SEC24D: variants seen among roughly 807,000 people sequenced by gnomAD.
The protein encoded by SEC24D is protein transport protein Sec24D.
Under a neutral mutation model 116.9 loss-of-function variants are expected in SEC24D, and 69 were observed. The ratio of observed to expected loss-of-function variants is 0.59; its 90% confidence interval spans 0.49 to 0.72. The LOEUF is 0.72. Among genes scored for constraint, SEC24D ranks in the 30% least tolerant of loss-of-function variants. The pLI, the probability that SEC24D is intolerant of heterozygous loss-of-function variation, is 0.00. For missense variants in SEC24D, 1,131 were observed against 1,264.1 expected, an observed-to-expected ratio of 0.89 and a Z score of 1.60; for synonymous variants, 405 against 442.8, an observed-to-expected ratio of 0.91 and a Z score of 1.07.
Position 118,756,761 on chromosome 4 carries a change from C to T in SEC24D, c.1421+960G>A, listed in dbSNP as rs189435714. On this transcript the variant is annotated intron_variant, in intron 11 of 22. Transcript: ENST00000280551. ...TGGCATTCTCCCTGCTCATGAATCT[C>T]CTTACTAGATGTTATTCCTCATCCT... Among the ~76,000 whole-genome samples the T allele has an allele frequency of 4.4e-3, 667 of 152,222 alleles. 3 individuals carry two copies. The highest frequency in any genetic ancestry group is 0.014 in the Middle Eastern group (4 of 294).
At chr4:118,824,483 T>A (rs1347129985) in intron 3 of SEC24D, 137 bp downstream of exon 3, 11 of 889,526 alleles carry the variant, frequency 1.2e-5, no homozygotes, top group Non-Finnish European at 1.9e-5. Flanking sequence ...AGGGCAGTTA[T>A]CTAACAGATC....
intron 10 of SEC24D, among the ~76,000 whole-genome samples, chr4:118,762,811 G>A (rs1396394637): frequency 6.6e-6 from 1 of 152,088 alleles, no homozygotes; most frequent in East Asian, 1.9e-4. Context: ...TGCCTGGCTG[G>A]GTGAGATTTC....
chr4:118,824,963 A>T (rs1730539875), intron 2 of SEC24D, among the ~76,000 whole-genome samples: 2 of 152,248 alleles, frequency 1.3e-5, no homozygotes, highest in African/African-American at 4.8e-5. Context: ...AGCAGAAAAG[A>T]AGGGAATCAT....
chr4:118,738,847 G>C lies in SEC24D; in HGVS notation c.2377+302C>G, dbSNP rs116021794. On this transcript the variant is annotated intron_variant, in intron 18 of 22. Coordinates refer to ENST00000280551, the MANE Select transcript of SEC24D (RefSeq NM_014822.4). ...TCGTCTCTGTCCATTAACCCAATGT[G>C]TCAGAGGGCATGATCATGTACCATA... Among the ~76,000 whole-genome samples the C allele has an allele frequency of 7.0e-3, 1,062 of 152,240 alleles. 13 individuals are homozygous for C. Among genetic ancestry groups the C allele is most frequent in the African/African-American group, 0.023 (975 of 41,532 alleles).
chr4:118,786,025 A>G (rs1279406516), intron 8 of SEC24D, among the ~76,000 whole-genome samples: 2 of 152,212 alleles, frequency 1.3e-5, no homozygotes, highest in Admixed American at 1.3e-4. Flanking sequence ...AAACAACTAC[A>G]GGTTAAGGGA....
intron 1 of SEC24D, among the ~76,000 whole-genome samples, chr4:118,835,387 G>C (rs1022589789): frequency 1.3e-5 from 2 of 152,106 alleles, no homozygotes; most frequent in East Asian, 1.9e-4. Context: ...AAAGCCACTT[G>C]GTATAAGCAG....
rs536613598 is a variant in SEC24D, at chr4:118,732,225, C to T, written c.2676+508G>A. ...TCTCGGCTCACTGCAACCTCCACCT[C>T]CCTGGTTCAAGCAATTCCCCTGCCT... On this transcript the variant is annotated intron_variant, in intron 20 of 22. Transcript: ENST00000280551. Among the ~76,000 whole-genome samples, 4 of 152,242 alleles carry T rather than the reference C, an allele frequency of 2.6e-5. No homozygotes were observed. In the South Asian group the frequency reaches 6.2e-4, roughly 24 times the overall value.
At chr4:118,777,252 C>T (rs1728178945) in intron 8 of SEC24D, among the ~76,000 whole-genome samples, 1 of 152,170 alleles carries the variant, frequency 6.6e-6, no homozygotes. Flanking sequence ...TCTCCTAATG[C>T]TATCCCTCCC....
chr4:118,827,079 G>C (rs75581055), intron 2 of SEC24D, among the ~76,000 whole-genome samples: 2 of 152,138 alleles, frequency 1.3e-5, no homozygotes, highest in Non-Finnish European at 2.9e-5. Context: ...ATAGAAGACA[G>C]GATAAGGGAT....
chr4:118,815,706 T>C lies in SEC24D; in HGVS notation c.418A>G (p.Ser140Gly). The change falls in exon 5 of 23, where the codon AGC becomes GGC. Residue 140 changes from serine to glycine, a missense_variant. Coordinates refer to ENST00000280551, the MANE Select transcript of SEC24D (RefSeq NM_014822.4). ...NSYGSGMAPPSQGPPGPLSAT... is the reference protein window; with the variant it reads ...NSYGSGMAPPGQGPPGPLSAT... ...GACAGAGGGCCAGGGGGTCCCTGGC[T>C]TGGAGGAGCCATGCCTGAACCTGTG... 1.2e-6 allele frequency: 2 copies of C among 1,613,954 alleles called. No individual in the cohort carries two copies. The highest frequency in any genetic ancestry group is 1.7e-6 in the Non-Finnish European group (2 of 1,179,986).
At chr4:118,759,920 T>C (rs1727286539) in intron 10 of SEC24D, among the ~76,000 whole-genome samples, 3 of 152,164 alleles carry the variant, frequency 2.0e-5, no homozygotes, top group Admixed American at 1.3e-4. Context: ...GCCAGCACCT[T>C]AGACTCAAAA....
chr4:118,738,132 T>G (rs1346541838), intron 19 of SEC24D, 129 bp downstream of exon 19: 1 of 637,354 alleles, frequency 1.6e-6, no homozygotes, highest in Non-Finnish European at 2.8e-6. Context: ...TTCTTAATCT[T>G]CTCAGCTACA....
chr4:118,791,349 A>G (rs1047344437), intron 8 of SEC24D, among the ~76,000 whole-genome samples: 9 of 152,164 alleles, frequency 5.9e-5, no homozygotes, highest in African/African-American at 2.2e-4. Flanking sequence ...AGAGCACTTT[A>G]GACACCAGAG....
At chr4:118,784,211 T>G (rs1201306794) in intron 8 of SEC24D, among the ~76,000 whole-genome samples, 2 of 152,292 alleles carry the variant, frequency 1.3e-5, no homozygotes, top group African/African-American at 4.8e-5. Flanking sequence ...AGAAAAAAAT[T>G]TAATTTAAAA....
At chr4:118,746,569 CCT>C (rs764535141) in intron 13 of SEC24D, among the ~76,000 whole-genome samples, 1 of 151,926 alleles carries the variant, frequency 6.6e-6, no homozygotes, top group African/African-American at 2.4e-5. Flanking sequence ...TGTCTTTACC[CCT>C]GACATCTGCT....
intron 6 of SEC24D, among the ~76,000 whole-genome samples, chr4:118,808,560 T>C (rs947837511): frequency 1.3e-5 from 2 of 152,228 alleles, no homozygotes; most frequent in African/African-American, 4.8e-5. Flanking sequence ...GTCGTTCTGA[T>C]AATTGCTAAA....
chr4:118,781,008 T>A (rs1728382342), intron 8 of SEC24D, among the ~76,000 whole-genome samples: 1 of 149,840 alleles, frequency 6.7e-6, no homozygotes, highest in Admixed American at 6.7e-5. Flanking sequence ...GTGAAATGGG[T>A]CTCCTGAATA....
At chr4:118,729,062 T>C (rs1186813347) in intron 21 of SEC24D, 2 of 158,600 alleles carry the variant, frequency 1.3e-5, no homozygotes, top group Non-Finnish European at 2.8e-5. Context: ...GTAAACAATA[T>C]AGTTTAACAA....
intron 12 of SEC24D, among the ~76,000 whole-genome samples, chr4:118,752,385 C>T (rs1436567774): frequency 2.0e-5 from 3 of 152,164 alleles, no homozygotes; most frequent in African/African-American, 2.4e-5. Context: ...TTATTACCAT[C>T]ATCATTGAAT....
Sources: allele counts gnomAD v4.1 joint callset (sites outside exome capture counted in the v4.1 genomes callset), GRCh38; gene constraint gnomAD v4.1.1; transcripts MANE v1.5; gene names NCBI Gene and HGNC (gene_info 2026-07-23, HGNC 2026-07-21).